Variants in LRP6 observed in about 807,000 individuals in gnomAD.
LRP6 encodes LDL receptor related protein 6, also known as low-density lipoprotein receptor-related protein 6.
In LRP6, 43 loss-of-function variants were observed where a neutral mutation model predicts 184.1. The ratio of observed to expected loss-of-function variants is 0.23; its 90% CI spans 0.18 to 0.30. The LOEUF (loss-of-function observed/expected upper bound fraction) is 0.30, where lower values mean the gene tolerates loss of function less well. Among genes scored for constraint, LRP6 ranks in the 10% least tolerant of loss-of-function variants. The probability of loss-of-function intolerance (pLI) is 1.00; values close to 1 mark genes in which losing one functional copy is unlikely to be tolerated. For missense variants in LRP6, 1,571 were observed against 2,005.3 expected (o/e 0.78, Z 4.14); for synonymous variants, 719 against 684.9 (o/e 1.05, Z -0.78).
At chr12:12,194,815 C>T (rs1021324399) in intron 3 of LRP6, among the ~76,000 whole-genome samples, 1 of 152,062 alleles carries the variant, frequency 6.6e-6, no homozygotes, top group African/African-American at 2.4e-5. Context: ...AATACTCAAG[C>T]TTTTTCTAAC....
chr12:12,216,936 A>C (rs2097727468), intron 2 of LRP6, among the ~76,000 whole-genome samples: 1 of 148,794 alleles, frequency 6.7e-6, no homozygotes, highest in Admixed American at 6.9e-5. Flanking sequence ...GAGCCTTTCT[A>C]ATTTGTTTCT....
chr12:12,182,244 G>A (rs1863361775), intron 5 of LRP6, among the ~76,000 whole-genome samples: 1 of 152,128 alleles, frequency 6.6e-6, no homozygotes, highest in Non-Finnish European at 1.5e-5. Flanking sequence ...ACTCAGGAAA[G>A]TACTGAACAT....
chr12:12,155,395 T>G, intron 12 of LRP6: 1 of 803,902 alleles, frequency 1.2e-6, no homozygotes, highest in Non-Finnish European at 2.2e-6. Context: ...ATCAAGGGAA[T>G]GGGTACTGTT....
Position 12,149,010 on chromosome 12 carries a change from T to C in LRP6, c.3138A>G (p.Arg1046=), listed in dbSNP as rs764425800. 1.2e-6 allele frequency: 2 copies of C among 1,613,904 alleles called. No homozygotes were observed. Among genetic ancestry groups the C allele is most frequent in the African/African-American group, 2.7e-5 (2 of 74,866 alleles). ...CGCCTTTCAGCACCACTCCAACTGA[T>C]CTCCCATCTAATCTTGTCACATTAA... ...NVINVTRLDG[R]SVGVVLKGEQ... Residue 1046 remains arginine (R), a synonymous_variant, in exon 14 of 23, where the codon AGA becomes AGG. Transcript: ENST00000261349.
chr12:12,180,075 G>C, intron 6 of LRP6, 94 bp from the exon 7 acceptor site: 2 of 972,764 alleles, frequency 2.1e-6, no homozygotes, highest in South Asian at 1.4e-5. Flanking sequence ...TATTACACTG[G>C]TATCATCAGT....
At chr12:12,161,802 G>A (rs557834851) in intron 10 of LRP6, among the ~76,000 whole-genome samples, 1 of 151,754 alleles carries the variant, frequency 6.6e-6, no homozygotes, top group Non-Finnish European at 1.5e-5. Context: ...CTTTTTAAAT[G>A]TAGTTTTTTC....
intron 16 of LRP6, among the ~76,000 whole-genome samples, chr12:12,137,374 A>C (rs1330919924): frequency 1.3e-5 from 2 of 152,184 alleles, no homozygotes; most frequent in Non-Finnish European, 2.9e-5. Context: ...TGAATTAAGA[A>C]CTAGGCCAAG....
At chr12:12,260,514 G>C (rs1337326625) in intron 1 of LRP6, among the ~76,000 whole-genome samples, 1 of 152,006 alleles carries the variant, frequency 6.6e-6, no homozygotes, top group Non-Finnish European at 1.5e-5. Context: ...AAAACCACTG[G>C]CCTAAAACTA....
chr12:12,135,337 G>A, intron 16 of LRP6, 37 bp from the exon 17 acceptor site: 1 of 1,487,796 alleles, frequency 6.7e-7, no homozygotes, highest in Non-Finnish European at 9.4e-7. Flanking sequence ...GAGAGGAGGG[G>A]GAGTGGAGGG....
In LRP6 at chr12:12,195,625, T is replaced by C. The variant is rs142921388; in HGVS notation, c.647+7578A>G. On this transcript the variant is annotated intron_variant, in intron 3 of 22. Transcript: ENST00000261349. Reference sequence around the variant, plus strand: ...TGTCAGATGAGTAATTTGCAAATATTTTCCCTCATTCTGTAGGTCGTCTTT... The same window carrying C: ...TGTCAGATGAGTAATTTGCAAATATCTTCCCTCATTCTGTAGGTCGTCTTT... 2.6e-4 allele frequency among the ~76,000 whole-genome samples: 39 copies of C among 152,290 alleles called. No individual in the cohort carries two copies. The East Asian group carries it at 7.3e-3, about 29-fold the overall frequency.
chr12:12,123,744 T>C (rs1949634856), intron 22 of LRP6, among the ~76,000 whole-genome samples: 1 of 152,240 alleles, frequency 6.6e-6, no homozygotes, highest in Non-Finnish European at 1.5e-5. Context: ...AATAATTTTC[T>C]CTTTTTTGGC....
chr12:12,179,666 A>G, intron 7 of LRP6, 144 bp downstream of exon 7: 2 of 742,788 alleles, frequency 2.7e-6, no homozygotes, highest in East Asian at 5.3e-5. Flanking sequence ...AGAATCATGA[A>G]GGTTGAGTAA....
intron 12 of LRP6, among the ~76,000 whole-genome samples, chr12:12,154,915 G>C (rs1338079106): frequency 1.3e-5 from 2 of 152,172 alleles, no homozygotes; most frequent in African/African-American, 4.8e-5. Context: ...GAAAGGTTAG[G>C]CCAGGCGTAG....
chr12:12,232,327 T>G (rs963627022), intron 2 of LRP6, among the ~76,000 whole-genome samples: 1 of 149,060 alleles, frequency 6.7e-6, no homozygotes, highest in African/African-American at 2.5e-5. Flanking sequence ...GAGCCTGCAG[T>G]GAGCCGAGAT....
At chr12:12,134,788 C>T (rs1415460561) in intron 17 of LRP6, among the ~76,000 whole-genome samples, 1 of 152,056 alleles carries the variant, frequency 6.6e-6, no homozygotes, top group Admixed American at 6.5e-5. Context: ...TACTCATTCA[C>T]AGGCTGAAAA....
At chr12:12,247,417 C>CA (rs897832523) in intron 1 of LRP6, among the ~76,000 whole-genome samples, 1 of 152,156 alleles carries the variant, frequency 6.6e-6, no homozygotes, top group African/African-American at 2.4e-5. Flanking sequence ...TTTTGGTCTA[C>CA]AAAATCCAAA....
intron 2 of LRP6, among the ~76,000 whole-genome samples, chr12:12,219,536 C>G (rs1047945435): frequency 6.6e-6 from 1 of 152,124 alleles, no homozygotes; most frequent in African/African-American, 2.4e-5. Context: ...ACCATTGCAC[C>G]TCATTCATTT....
At chr12:12,176,637 A>G (rs973801174) in intron 7 of LRP6, among the ~76,000 whole-genome samples, 1 of 152,126 alleles carries the variant, frequency 6.6e-6, no homozygotes, top group African/African-American at 2.4e-5. Flanking sequence ...ACCACTTACA[A>G]AAGAGGAAGT....
chr12:12,265,755 G>C (rs1865740722), intron 1 of LRP6, among the ~76,000 whole-genome samples: 1 of 152,202 alleles, frequency 6.6e-6, no homozygotes. Context: ...CGACGGGCCA[G>C]TCAAAAATCT....
Sources: gnomAD v4.1 joint callset for allele counts (sites outside exome capture counted in the v4.1 genomes callset) on GRCh38, gnomAD v4.1.1 for gene constraint, MANE v1.5 for transcripts, NCBI Gene and HGNC (gene_info 2026-07-23, HGNC 2026-07-21) for gene names.